Variants in CAMK2B observed in about 807,000 individuals in gnomAD.
CAMK2B encodes the protein calcium/calmodulin dependent protein kinase II beta.
CAMK2B carries 27 observed loss-of-function variants against 93.7 expected under a neutral mutation model. The ratio of observed to expected loss-of-function variants is 0.29; its 90% CI spans 0.21 to 0.40. The LOEUF (loss-of-function observed/expected upper bound fraction) is 0.40. Among genes scored for constraint, CAMK2B ranks in the 10% least tolerant of loss-of-function variants. The pLI, the probability that CAMK2B is intolerant of heterozygous loss-of-function variation, is 1.00. For missense variants in CAMK2B, 568 were observed against 895.8 expected, an observed-to-expected ratio of 0.63 and a Z score of 4.67; for synonymous variants, 374 against 358.8, an observed-to-expected ratio of 1.04 and a Z score of -0.48.
chr7:44,284,109 C>T, intron 2 of CAMK2B, 22 bp downstream of exon 2: 21 of 1,563,962 alleles, frequency 1.3e-5, no homozygotes, highest in Non-Finnish European at 1.9e-5. Flanking sequence ...AGCAGCTGCG[C>T]AGGACACTCC....
intron 2 of CAMK2B, among the ~76,000 whole-genome samples, chr7:44,269,513 G>T (rs978196806): frequency 3.3e-5 from 5 of 152,152 alleles, no homozygotes; most frequent in African/African-American, 1.2e-4. Context: ...CACCCTCCCA[G>T]CCCCTCCTCC....
chr7:44,265,952 T>A (rs2096918152), intron 2 of CAMK2B, among the ~76,000 whole-genome samples: 1 of 152,112 alleles, frequency 6.6e-6, no homozygotes, highest in Admixed American at 6.5e-5. Flanking sequence ...TGCTTCACTC[T>A]CGGTGGCAGG....
intron 1 of CAMK2B, among the ~76,000 whole-genome samples, chr7:44,284,994 C>G (rs939816586): frequency 6.6e-6 from 1 of 152,102 alleles, no homozygotes; most frequent in Non-Finnish European, 1.5e-5. Flanking sequence ...CCAAGAGACA[C>G]AAGGAAGGAA....
chr7:44,263,316 G>A (rs537501229), intron 2 of CAMK2B, among the ~76,000 whole-genome samples: 1 of 152,370 alleles, frequency 6.6e-6, no homozygotes, highest in East Asian at 1.9e-4. Context: ...CTAACTCGGG[G>A]CTAAAAGTTT....
At chr7:44,231,931 CTACAGGTCTTTAGG>C (rs1319909802) in intron 16 of CAMK2B, among the ~76,000 whole-genome samples, 1 of 152,238 alleles carries the variant, frequency 6.6e-6, no homozygotes, top group African/African-American at 2.4e-5. Flanking sequence ...TAGACCAGAA[CTACAGGTCTTTAGG>C]TGCAGGCTCA....
intron 1 of CAMK2B, among the ~76,000 whole-genome samples, chr7:44,323,624 G>C (rs1796716169): frequency 6.6e-6 from 1 of 152,224 alleles, no homozygotes; most frequent in Admixed American, 6.5e-5. Flanking sequence ...TGCAGTCTGA[G>C]GACACTGGGT....
chr7:44,304,874 A>G (rs572454865), intron 1 of CAMK2B, among the ~76,000 whole-genome samples: 1 of 152,228 alleles, frequency 6.6e-6, no homozygotes, highest in South Asian at 2.1e-4. Context: ...TTTCAATCCA[A>G]TTTTTCCATA....
rs1196021868 is a variant in CAMK2B at position 44,225,669 on chromosome 7, C to T, written c.1597+847G>A. On this transcript the variant is annotated intron_variant, in intron 20 of 23. Coordinates refer to ENST00000395749, the MANE Select transcript of CAMK2B (RefSeq NM_001220.5). The surrounding 1 kb of genome is among the most constrained non-coding windows in gnomAD (Gnocchi z 5.0). ...TGCTCCTGTGGGTTCACTCTCCCCA[C>T]ACCCTTCTGCCCTGGCCGCCTGCAG... 1.7e-6 allele frequency: 2 copies of T among 1,183,846 alleles called. No individual in the cohort carries two copies. Among genetic ancestry groups the T allele is most frequent in the South Asian group, 1.3e-5 (1 of 78,354 alleles). 73.3% of individuals were successfully genotyped at this position (1,183,846 alleles called of 1,614,324 possible).
chr7:44,300,226 G>A (rs900983626), intron 1 of CAMK2B, among the ~76,000 whole-genome samples: 2 of 151,976 alleles, frequency 1.3e-5, no homozygotes, highest in Non-Finnish European at 2.9e-5. Flanking sequence ...TGTAGAGATG[G>A]GGTCTTGGTA....
In CAMK2B at chr7:44,325,539, G is replaced by T. The variant is rs1381096808; in HGVS notation, c.-118C>A. On this transcript the variant is annotated 5_prime_UTR_variant, in exon 1 of 24. Coordinates refer to ENST00000395749, the MANE Select transcript of CAMK2B (RefSeq NM_001220.5). The stretch of plus-strand genomic sequence containing the variant: ...GGGCGCGGGAGACACCTCGGCTCGC[G>T]GCGCCAGGCGGGGGCCGGGCTGGGC... 4 of 460,546 alleles carry T rather than the reference G, an allele frequency of 8.7e-6. No homozygotes were observed. Among genetic ancestry groups the T allele is most frequent in the Admixed American group, 6.6e-5 (1 of 15,084 alleles). The allele number at this position is 460,546 out of a possible 1,614,324, so 28.5% of individuals were successfully genotyped here.
chr7:44,316,650 T>C (rs1041396561), intron 1 of CAMK2B, among the ~76,000 whole-genome samples: 1 of 152,236 alleles, frequency 6.6e-6, no homozygotes, highest in Non-Finnish European at 1.5e-5. Flanking sequence ...AGCCTAAGCT[T>C]TCCTTTGTGG....
chr7:44,297,878 C>G (rs905031693), intron 1 of CAMK2B, among the ~76,000 whole-genome samples: 1 of 152,228 alleles, frequency 6.6e-6, no homozygotes, highest in Non-Finnish European at 1.5e-5. Context: ...AATCCCAGCA[C>G]TTTGGGAGGC....
At chr7:44,241,196 G>A (rs1278879961) in intron 11 of CAMK2B, among the ~76,000 whole-genome samples, 1 of 152,158 alleles carries the variant, frequency 6.6e-6, no homozygotes, top group Admixed American at 6.5e-5. Context: ...CCCACAAGTA[G>A]AGGGACTGCC....
chr7:44,308,791 C>G (rs1464636797), intron 1 of CAMK2B, among the ~76,000 whole-genome samples: 1 of 152,208 alleles, frequency 6.6e-6, no homozygotes. Flanking sequence ...CTTTGCCCAG[C>G]AGCAGGCCTT....
At chr7:44,289,493 C>T (rs1285425139) in intron 1 of CAMK2B, among the ~76,000 whole-genome samples, 1 of 152,228 alleles carries the variant, frequency 6.6e-6, no homozygotes, top group Non-Finnish European at 1.5e-5. Flanking sequence ...CCAGTTAAGA[C>T]ACTTGGTAAC....
chr7:44,289,109 C>A (rs544824833), intron 1 of CAMK2B, among the ~76,000 whole-genome samples: 65 of 152,246 alleles, frequency 4.3e-4, no homozygotes, highest in African/African-American at 1.3e-3. Context: ...TCTGAGCTGC[C>A]CCCCCAACCC....
At chr7:44,285,999 A>C (rs1157918748) in intron 1 of CAMK2B, among the ~76,000 whole-genome samples, 1 of 152,102 alleles carries the variant, frequency 6.6e-6, no homozygotes, top group Non-Finnish European at 1.5e-5. Context: ...AATATAAAGA[A>C]AGGATTATTA....
intron 13 of CAMK2B, among the ~76,000 whole-genome samples, chr7:44,236,705 A>G (rs368976502): frequency 6.6e-6 from 1 of 152,144 alleles, no homozygotes; most frequent in African/African-American, 2.4e-5. Flanking sequence ...CAGGACCCCC[A>G]CAGTCCCCTC....
chr7:44,227,988 C>T (rs890645338), intron 19 of CAMK2B, among the ~76,000 whole-genome samples: 3 of 151,296 alleles, frequency 2.0e-5, no homozygotes, highest in Admixed American at 6.6e-5. Context: ...GAGGGTGCTG[C>T]TGCGGACAGC....
Sources: gnomAD v4.1 joint callset for allele counts (sites outside exome capture counted in the v4.1 genomes callset) on GRCh38, gnomAD v4.1.1 for gene constraint, Gnocchi (gnomAD v3.1) non-coding constraint, MANE v1.5 for transcripts, NCBI Gene and HGNC (gene_info 2026-07-23, HGNC 2026-07-21) for gene names.